IGF2BP2: variants seen among roughly 807,000 people sequenced by gnomAD.
The protein encoded by IGF2BP2 is insulin-like growth factor 2 mRNA-binding protein 2.
A neutral mutation model predicts 75.8 loss-of-function variants in IGF2BP2; 17 were observed. That is an observed-to-expected ratio of 0.22 (90% CI 0.15 to 0.34). The LOEUF (loss-of-function observed/expected upper bound fraction) is 0.34. Ranked by LOEUF, IGF2BP2 falls within the 10% of genes least tolerant of loss-of-function variation. The probability of loss-of-function intolerance (pLI) is 1.00; values close to 1 mark genes in which losing one functional copy is unlikely to be tolerated. For missense variants in IGF2BP2, 516 were observed against 772.4 expected, an observed-to-expected ratio of 0.67 and a Z score of 3.93; for synonymous variants, 288 against 295.6, an observed-to-expected ratio of 0.97 and a Z score of 0.26.
chr3:185,797,778 G>A (rs1737627268), intron 2 of IGF2BP2, among the ~76,000 whole-genome samples: 1 of 151,458 alleles, frequency 6.6e-6, no homozygotes, highest in Non-Finnish European at 1.5e-5. Flanking sequence ...GGAGGTGCAT[G>A]CCTGTAGTCC....
chr3:185,692,949 T>C (rs541614885), intron 4 of IGF2BP2, among the ~76,000 whole-genome samples, 187 bp from the exon 5 acceptor site: 1 of 152,362 alleles, frequency 6.6e-6, no homozygotes, highest in South Asian at 2.1e-4. Context: ...TATAACACGT[T>C]TGTAATCAAT....
chr3:185,706,200 C>T (rs934567519), intron 2 of IGF2BP2, among the ~76,000 whole-genome samples: 1 of 152,166 alleles, frequency 6.6e-6, no homozygotes, highest in Admixed American at 6.6e-5. Flanking sequence ...AAGACCTCAT[C>T]TCTACAAAAA....
At chr3:185,798,138 T>G (rs559832878) in intron 2 of IGF2BP2, among the ~76,000 whole-genome samples, 1 of 152,074 alleles carries the variant, frequency 6.6e-6, no homozygotes, top group African/African-American at 2.4e-5. Context: ...GACATGGATG[T>G]TGCAGTGAGC....
chr3:185,722,530 G>A, intron 2 of IGF2BP2: 1 of 275,990 alleles, frequency 3.6e-6, no homozygotes, highest in South Asian at 3.1e-5. Flanking sequence ...CAGTGAGCTT[G>A]GAAGTAAGTG....
chr3:185,820,799 A>G (rs986267893), intron 2 of IGF2BP2, among the ~76,000 whole-genome samples: 5 of 152,180 alleles, frequency 3.3e-5, no homozygotes, highest in Non-Finnish European at 7.4e-5. Context: ...AAGAAAATGC[A>G]CTCAATTGTT....
chr3:185,715,340 T>C (rs917211258), intron 2 of IGF2BP2, among the ~76,000 whole-genome samples: 1 of 152,014 alleles, frequency 6.6e-6, no homozygotes, highest in Non-Finnish European at 1.5e-5. Flanking sequence ...TGGCAAAGAC[T>C]TCCTATTTCC....
intron 2 of IGF2BP2, among the ~76,000 whole-genome samples, chr3:185,819,143 G>T: frequency 6.6e-6 from 1 of 151,958 alleles, no homozygotes; most frequent in East Asian, 1.9e-4. Context: ...AAAACAAAAT[G>T]CTTAGAACAT....
chr3:185,698,136 C>G (rs1296442057), intron 3 of IGF2BP2, among the ~76,000 whole-genome samples, 163 bp downstream of exon 3: 2 of 152,104 alleles, frequency 1.3e-5, no homozygotes, highest in Non-Finnish European at 2.9e-5. Context: ...CAAATACGAC[C>G]CCAAACTCAT....
intron 4 of IGF2BP2, among the ~76,000 whole-genome samples, chr3:185,695,365 A>G (rs556880771): frequency 1.3e-5 from 2 of 152,316 alleles, no homozygotes; most frequent in Admixed American, 6.5e-5. Context: ...GCTGTCTACA[A>G]ATGCCTTATA....
intron 7 of IGF2BP2, among the ~76,000 whole-genome samples, chr3:185,677,106 G>GAGAGAGAGAGAGAGAGAT (rs1719672543): frequency 7.8e-6 from 1 of 128,368 alleles, no homozygotes; most frequent in Non-Finnish European, 1.7e-5. Context: ...GAGAGAGAGA[G>GAGAGAGAGAGAGAGAGAT]ATGTATATAT....
intron 9 of IGF2BP2, among the ~76,000 whole-genome samples, chr3:185,673,755 A>AC (rs1718880012): frequency 6.6e-6 from 1 of 151,976 alleles, no homozygotes; most frequent in Non-Finnish European, 1.5e-5. Context: ...CTTCATCTTT[A>AC]CCTCATTTTG....
At chr3:185,711,976 G>A (rs1220588600) in intron 2 of IGF2BP2, among the ~76,000 whole-genome samples, 1 of 152,194 alleles carries the variant, frequency 6.6e-6, no homozygotes, top group African/African-American at 2.4e-5. Flanking sequence ...CCCAGCTTTG[G>A]TCCTGATGTG....
At chr3:185,781,297 T>C (rs964265173) in intron 2 of IGF2BP2, among the ~76,000 whole-genome samples, 1 of 152,128 alleles carries the variant, frequency 6.6e-6, no homozygotes, top group Non-Finnish European at 1.5e-5. Flanking sequence ...GCTTCAGCAA[T>C]GATAATCCAT....
chr3:185,703,952 T>C (rs966578127), intron 2 of IGF2BP2, among the ~76,000 whole-genome samples: 1 of 152,060 alleles, frequency 6.6e-6, no homozygotes, highest in African/African-American at 2.4e-5. Context: ...TTAACATGAA[T>C]TGTGAGAACC....
At chr3:185,656,010 C>T (rs1003192480) in intron 12 of IGF2BP2, among the ~76,000 whole-genome samples, 24 of 152,244 alleles carry the variant, frequency 1.6e-4, no homozygotes, top group African/African-American at 4.1e-4. Flanking sequence ...GCCCATGTCC[C>T]GGCACTCTCT....
intron 2 of IGF2BP2, among the ~76,000 whole-genome samples, chr3:185,761,504 T>A (rs1281269020): frequency 6.6e-6 from 1 of 152,128 alleles, no homozygotes; most frequent in African/African-American, 2.4e-5. Context: ...TGAAGAACCA[T>A]CCCCATCCCA....
At chr3:185,800,721 A>AT (rs35986572) in intron 2 of IGF2BP2, among the ~76,000 whole-genome samples, 1 of 141,928 alleles carries the variant, frequency 7.0e-6, no homozygotes, top group Non-Finnish European at 1.5e-5. Context: ...CCAAAAAAAA[A>AT]GAAAGAAAGA....
At chr3:185,813,152 A>T (rs1740139176) in intron 2 of IGF2BP2, among the ~76,000 whole-genome samples, 1 of 152,172 alleles carries the variant, frequency 6.6e-6, no homozygotes, top group African/African-American at 2.4e-5. Flanking sequence ...CTACTTTACA[A>T]ATCTAAATCT....
At chr3:185,768,603 G>A (rs1278699507) in intron 2 of IGF2BP2, among the ~76,000 whole-genome samples, 1 of 152,140 alleles carries the variant, frequency 6.6e-6, no homozygotes, top group Non-Finnish European at 1.5e-5. Flanking sequence ...CTAATTCTGT[G>A]GAGGACTGAA....
Sources: gnomAD v4.1 joint callset for allele counts (sites outside exome capture counted in the v4.1 genomes callset) on GRCh38, gnomAD v4.1.1 for gene constraint, MANE v1.5 for transcripts, NCBI Gene and HGNC (gene_info 2026-07-23, HGNC 2026-07-21) for gene names.